MACROD2: variants seen among roughly 807,000 people sequenced by gnomAD.
The protein encoded by MACROD2 is ADP-ribose glycohydrolase MACROD2.
In MACROD2, 36 loss-of-function variants were observed where a neutral mutation model predicts 70.4. The observed-to-expected ratio is 0.51, with a 90% CI of 0.39 to 0.68. The LOEUF is 0.68. Among genes scored for constraint, MACROD2 ranks in the 30% least tolerant of loss-of-function variants. The pLI, the probability that MACROD2 is intolerant of heterozygous loss-of-function variation, is 0.00. For missense variants in MACROD2, 496 were observed against 538.4 expected, an observed-to-expected ratio of 0.92 and a Z score of 0.78; for synonymous variants, 172 against 178.8, an observed-to-expected ratio of 0.96 and a Z score of 0.30.
chr20:15,593,152 A>T lies in MACROD2; in HGVS notation c.645+93305A>T, dbSNP rs77652364. ...TTTATCATTGTGTGTTAGATGTGAT[A>T]TGAAGCAATTATCAAGTTGTTTTTT... On this transcript the variant is annotated intron_variant, in intron 8 of 17. Transcript: ENST00000684519. Among the ~76,000 whole-genome samples, 402 of 152,270 alleles carry T rather than the reference A, an allele frequency of 2.6e-3. 7 individuals are homozygous for T. In the East Asian group the frequency reaches 0.063, roughly 24 times the overall value.
intron 8 of MACROD2, among the ~76,000 whole-genome samples, chr20:15,811,760 G>T (rs1166977155): frequency 6.6e-6 from 1 of 152,144 alleles, no homozygotes; most frequent in East Asian, 1.9e-4. Flanking sequence ...GGAGGAAATA[G>T]AGATGGTATC....
At chr20:14,471,582 A>G (rs963602655) in intron 3 of MACROD2, among the ~76,000 whole-genome samples, 4 of 152,208 alleles carry the variant, frequency 2.6e-5, no homozygotes, top group African/African-American at 7.2e-5. Context: ...CACTGTTATC[A>G]TGAATTATGG....
chr20:15,519,506 GA>G (rs1181594851), intron 8 of MACROD2, among the ~76,000 whole-genome samples: 2 of 152,150 alleles, frequency 1.3e-5, no homozygotes, highest in Non-Finnish European at 2.9e-5. Context: ...ATGAGTGTGA[GA>G]ATTTCTGTAA....
intron 5 of MACROD2, among the ~76,000 whole-genome samples, chr20:14,914,112 T>C (rs562289388): frequency 6.6e-6 from 1 of 152,340 alleles, no homozygotes; most frequent in African/African-American, 2.4e-5. Flanking sequence ...TCTGAAGCGC[T>C]TACTCTTTGT....
intron 5 of MACROD2, among the ~76,000 whole-genome samples, chr20:14,705,409 A>G (rs2071257655): frequency 6.6e-6 from 1 of 152,150 alleles, no homozygotes; most frequent in South Asian, 2.1e-4. Flanking sequence ...GTACCCATGT[A>G]GTGTATTGTC....
At chr20:14,533,192 G>T (rs910517429) in intron 4 of MACROD2, among the ~76,000 whole-genome samples, 1 of 152,192 alleles carries the variant, frequency 6.6e-6, no homozygotes, top group Non-Finnish European at 1.5e-5. Flanking sequence ...ACTTTGAAAT[G>T]ACCAATCTGC....
intron 3 of MACROD2, among the ~76,000 whole-genome samples, chr20:14,196,508 T>G (rs1292892979): frequency 1.3e-5 from 2 of 152,236 alleles, no homozygotes; most frequent in African/African-American, 4.8e-5. Context: ...TCAGATGGCT[T>G]CACAGCATTC....
intron 6 of MACROD2, among the ~76,000 whole-genome samples, chr20:15,406,064 G>C (rs2045996530): frequency 3.3e-5 from 5 of 152,136 alleles, no homozygotes; most frequent in Admixed American, 2.6e-4. Flanking sequence ...ACTTCCGAGA[G>C]GAGAGGTTTT....
At chr20:14,873,803 G>C (rs2122435281) in intron 5 of MACROD2, among the ~76,000 whole-genome samples, 1 of 152,166 alleles carries the variant, frequency 6.6e-6, no homozygotes, top group African/African-American at 2.4e-5. Flanking sequence ...GGGTTGCAGT[G>C]AGCTGAGACT....
At chr20:15,916,164 C>T (rs2065311847) in intron 10 of MACROD2, among the ~76,000 whole-genome samples, 1 of 152,094 alleles carries the variant, frequency 6.6e-6, no homozygotes, top group Non-Finnish European at 1.5e-5. Context: ...ATACCCCCTA[C>T]CCCACCACCC....
At chr20:14,392,786 A>G (rs1203942081) in intron 3 of MACROD2, among the ~76,000 whole-genome samples, 1 of 152,050 alleles carries the variant, frequency 6.6e-6, no homozygotes, top group Non-Finnish European at 1.5e-5. Flanking sequence ...GTCCCACCTT[A>G]GGTTTCTTAT....
intron 5 of MACROD2, among the ~76,000 whole-genome samples, chr20:15,011,515 T>C (rs2075082405): frequency 6.6e-6 from 1 of 152,198 alleles, no homozygotes; most frequent in South Asian, 2.1e-4. Context: ...GGAAATGACA[T>C]AGTACTCTTT....
At chr20:15,835,336 C>T (rs1392113605) in intron 8 of MACROD2, among the ~76,000 whole-genome samples, 1 of 152,040 alleles carries the variant, frequency 6.6e-6, no homozygotes, top group Non-Finnish European at 1.5e-5. Flanking sequence ...CCCCCCTTTT[C>T]CATGGGAACC....
intron 5 of MACROD2, among the ~76,000 whole-genome samples, chr20:15,102,587 GAAT>G (rs1418947554): frequency 6.6e-6 from 1 of 151,990 alleles, no homozygotes; most frequent in Admixed American, 6.6e-5. Context: ...TATGTAGTAA[GAAT>G]AATAATTGTT....
intron 5 of MACROD2, among the ~76,000 whole-genome samples, chr20:14,800,604 A>T (rs533550302): frequency 2.6e-5 from 4 of 152,184 alleles, no homozygotes; most frequent in African/African-American, 7.2e-5. Context: ...CCACTGGGAA[A>T]TTTTTTCCGG....
At chr20:15,758,253 T>TC (rs1280636603) in intron 8 of MACROD2, among the ~76,000 whole-genome samples, 6 of 150,960 alleles carry the variant, frequency 4.0e-5, no homozygotes, top group African/African-American at 1.2e-4. Flanking sequence ...TTTTTTTTTT[T>TC]TTTGAGGTGG....
At chr20:14,479,423 A>G (rs993369754) in intron 3 of MACROD2, among the ~76,000 whole-genome samples, 5 of 152,112 alleles carry the variant, frequency 3.3e-5, no homozygotes, top group African/African-American at 1.2e-4. Context: ...CTCCTCTTCA[A>G]TCCCAGGGAG....
chr20:15,888,478 T>C (rs1386051038), intron 10 of MACROD2, among the ~76,000 whole-genome samples: 1 of 152,170 alleles, frequency 6.6e-6, no homozygotes, highest in South Asian at 2.1e-4. Flanking sequence ...CTAAGTGCTG[T>C]AAGTACACAT....
intron 5 of MACROD2, among the ~76,000 whole-genome samples, chr20:14,836,896 T>C (rs972143195): frequency 2.6e-5 from 4 of 152,030 alleles, no homozygotes; most frequent in African/African-American, 9.7e-5. Flanking sequence ...ATAACAAATA[T>C]TAGATGATCC....
Sources: gnomAD v4.1 joint callset for allele counts (sites outside exome capture counted in the v4.1 genomes callset) on GRCh38, gnomAD v4.1.1 for gene constraint, MANE v1.5 for transcripts, NCBI Gene and HGNC (gene_info 2026-07-23, HGNC 2026-07-21) for gene names.